ZNF143: variants seen among roughly 807,000 people sequenced by gnomAD.
ZNF143 encodes SPH-binding factor.
Under a neutral mutation model 74.1 loss-of-function variants are expected in ZNF143, and 49 were observed. That is an observed-to-expected ratio of 0.66 (90% CI 0.53 to 0.84). The LOEUF is 0.84. ZNF143 is among the 40% of genes least tolerant of loss of function. The probability of loss-of-function intolerance (pLI) is 0.00; values close to 1 mark genes in which losing one functional copy is unlikely to be tolerated. For synonymous variants in ZNF143, 304 were observed against 282.8 expected (o/e 1.07, Z -0.75); for missense variants, 637 against 793.4 (o/e 0.80, Z 2.37).
chr11:9,474,801 A>G (rs773939095), intron 5 of ZNF143, among the ~76,000 whole-genome samples, 168 bp downstream of exon 5: 2 of 152,256 alleles, frequency 1.3e-5, no homozygotes, highest in African/African-American at 2.4e-5. Context: ...TTTTCCTACA[A>G]TTTGAGCTGT....
chr11:9,500,194 G>A (rs899868523), intron 10 of ZNF143, among the ~76,000 whole-genome samples: 1 of 152,020 alleles, frequency 6.6e-6, no homozygotes, highest in African/African-American at 2.4e-5. Context: ...TGATCCGCCT[G>A]CCTTAGCCTC....
chr11:9,498,963 T>A (rs1249545400), intron 10 of ZNF143, among the ~76,000 whole-genome samples: 1 of 152,248 alleles, frequency 6.6e-6, no homozygotes, highest in Non-Finnish European at 1.5e-5. Flanking sequence ...TCATGCACTT[T>A]TTATTTATTG....
intron 10 of ZNF143, 100 bp from the exon 11 acceptor site, chr11:9,500,991 T>A: frequency 7.1e-7 from 1 of 1,410,994 alleles, no homozygotes; most frequent in South Asian, 1.3e-5. Flanking sequence ...ACAAGAAGGC[T>A]AGAGTCTTGA....
chr11:9,526,982 G>A (rs1589961637), intron 15 of ZNF143, among the ~76,000 whole-genome samples: 2 of 151,920 alleles, frequency 1.3e-5, no homozygotes, highest in South Asian at 2.1e-4. Flanking sequence ...CCATCACCAC[G>A]CCCAGCAATT....
intron 7 of ZNF143, among the ~76,000 whole-genome samples, chr11:9,494,162 T>G (rs2134043236): frequency 6.6e-6 from 1 of 152,300 alleles, no homozygotes; most frequent in East Asian, 1.9e-4. Flanking sequence ...AGTCACTGAC[T>G]TCAACCATGC....
intron 11 of ZNF143, among the ~76,000 whole-genome samples, chr11:9,506,728 T>G (rs768188082): frequency 5.3e-5 from 8 of 152,224 alleles, no homozygotes; most frequent in Non-Finnish European, 1.0e-4. Context: ...TGGCTAATGA[T>G]CAGGTAATTG....
At chr11:9,461,165 C>G (rs1369926057) in intron 1 of ZNF143, 89 bp downstream of exon 1, 4 of 820,644 alleles carry the variant, frequency 4.9e-6, no homozygotes, top group African/African-American at 1.9e-5. Flanking sequence ...CGCTTGGGCC[C>G]GGGCTCCGGC....
intron 11 of ZNF143, among the ~76,000 whole-genome samples, chr11:9,507,346 C>G (rs1848401479): frequency 6.6e-6 from 1 of 152,156 alleles, no homozygotes; most frequent in East Asian, 1.9e-4. Context: ...TTTTCTTCCC[C>G]CATTCCATAT....
intron 15 of ZNF143, 68 bp downstream of exon 15, chr11:9,525,454 G>C: frequency 1.3e-6 from 2 of 1,589,488 alleles, no homozygotes; most frequent in Non-Finnish European, 1.7e-6. Flanking sequence ...TTTGTACACT[G>C]TGCTTCGTGT....
intron 14 of ZNF143, among the ~76,000 whole-genome samples, chr11:9,516,622 G>A (rs188690792): frequency 6.6e-4 from 101 of 152,246 alleles, no homozygotes; most frequent in African/African-American, 2.3e-3. Flanking sequence ...TATATTAAGT[G>A]TTCAGTAGTG....
At position 9,512,488 on chromosome 11, in the gene ZNF143, T is replaced by C. The variant is rs776306151; in HGVS notation, c.1416T>C (p.Tyr472=). 13 of 1,614,228 alleles carry C rather than the reference T, an allele frequency of 8.1e-6. No individual in the cohort carries two copies. In the East Asian group the frequency reaches 2.2e-4, roughly 28 times the overall value. The change falls in exon 13 of 16, where the codon TAT becomes TAC. Residue 472 remains tyrosine (Y), a synonymous_variant. Transcript: ENST00000396602. ...EDVLKGSQIT[Y]VTGVEGDDVV... Reference sequence around the variant, plus strand: ...TTCTTAAAGGGTCCCAGATTACGTATGTTACAGGTGTAGAAGGGGACGACG... The same window carrying C: ...TTCTTAAAGGGTCCCAGATTACGTACGTTACAGGTGTAGAAGGGGACGACG...
intron 11 of ZNF143, among the ~76,000 whole-genome samples, chr11:9,503,113 G>A (rs1482831356): frequency 1.3e-5 from 2 of 152,140 alleles, no homozygotes; most frequent in African/African-American, 4.8e-5. Flanking sequence ...TTACAGACAT[G>A]AGCCACCGCT....
chr11:9,518,815 A>C (rs1160472434), intron 14 of ZNF143, among the ~76,000 whole-genome samples: 1 of 152,130 alleles, frequency 6.6e-6, no homozygotes, highest in African/African-American at 2.4e-5. Context: ...CATATTGCCA[A>C]ATTATTTTTC....
chr11:9,524,045 C>CA (rs533664056), intron 14 of ZNF143, among the ~76,000 whole-genome samples: 29,217 of 86,354 alleles, frequency 0.34, 3,970 homozygotes, highest in East Asian at 0.53. Flanking sequence ...GAGACTACCT[C>CA]AAAAAAAAAA....
intron 14 of ZNF143, 57 bp downstream of exon 14, chr11:9,516,419 C>A: frequency 1.4e-6 from 2 of 1,465,516 alleles, no homozygotes; most frequent in African/African-American, 1.4e-5. Context: ...AAAACAGTTA[C>A]ATAGGTATGC....
chr11:9,496,443 G>T, intron 9 of ZNF143, 65 bp downstream of exon 9: 1 of 1,359,216 alleles, frequency 7.4e-7, no homozygotes, highest in Non-Finnish European at 1.0e-6. Context: ...CAGGCTAGTG[G>T]AAGGAACTGA....
chr11:9,522,558 C>T (rs1848973017), intron 14 of ZNF143, among the ~76,000 whole-genome samples: 1 of 152,168 alleles, frequency 6.6e-6, no homozygotes, highest in Admixed American at 6.5e-5. Flanking sequence ...CAATGGCACG[C>T]TCTCGGCTCA....
chr11:9,514,290 AAAC>A (rs1386759595), intron 13 of ZNF143, among the ~76,000 whole-genome samples: 2 of 152,152 alleles, frequency 1.3e-5, no homozygotes, highest in Non-Finnish European at 2.9e-5. Flanking sequence ...ATATATTCCA[AAAC>A]AACTATCTTT....
intron 14 of ZNF143, among the ~76,000 whole-genome samples, chr11:9,518,528 A>G (rs1461379305): frequency 6.6e-6 from 1 of 152,188 alleles, no homozygotes; most frequent in African/African-American, 2.4e-5. Flanking sequence ...GCGTGGCCAA[A>G]CATGGTGAAA....
Sources: gnomAD v4.1 joint callset for allele counts (sites outside exome capture counted in the v4.1 genomes callset) on GRCh38, gnomAD v4.1.1 for gene constraint, MANE v1.5 for transcripts, NCBI Gene and HGNC (gene_info 2026-07-23, HGNC 2026-07-21) for gene names.